The following RREB1 variants were observed in gnomAD, a reference collection of about 807,000 sequenced individuals.
RREB1 encodes ras-responsive element-binding protein 1.
RREB1 carries 27 observed loss-of-function variants against 117.8 expected under a neutral mutation model. The observed-to-expected ratio is 0.23, with a 90% confidence interval of 0.17 to 0.32. RREB1 has a LOEUF of 0.32. RREB1 is among the 10% of genes least tolerant of loss of function. The pLI, the probability that RREB1 is intolerant of heterozygous loss-of-function variation, is 1.00. For missense variants in RREB1, 2,577 were observed against 2,378.2 expected (o/e 1.08, Z -1.74); for synonymous variants, 1,298 against 1,026.7 (o/e 1.26, Z -5.05).
At chr6:7,204,578 T>C (rs1766167068) in intron 6 of RREB1, among the ~76,000 whole-genome samples, 1 of 152,202 alleles carries the variant, frequency 6.6e-6, no homozygotes, top group Non-Finnish European at 1.5e-5. Flanking sequence ...GATGTCTCTA[T>C]AACCAGGCTG....
intron 8 of RREB1, among the ~76,000 whole-genome samples, chr6:7,221,584 A>G (rs144082804): frequency 2.4e-3 from 366 of 152,346 alleles, no homozygotes; most frequent in African/African-American, 8.2e-3. Context: ...CTTTTGACTT[A>G]TAGGAGTGCC....
intron 8 of RREB1, chr6:7,216,737 T>C (rs752031738): frequency 6.6e-6 from 1 of 151,996 alleles, no homozygotes; most frequent in Non-Finnish European, 1.5e-5. Context: ...TGTTGAAGAG[T>C]CTGTGAGTCT....
chr6:7,113,351 C>T (rs572697982), intron 1 of RREB1, among the ~76,000 whole-genome samples: 1 of 152,196 alleles, frequency 6.6e-6, no homozygotes, highest in South Asian at 2.1e-4. Context: ...TCTCTTTCCC[C>T]CTTTTCAGAG....
chr6:7,196,023 T>C (rs144356519), intron 6 of RREB1, among the ~76,000 whole-genome samples: 3 of 152,266 alleles, frequency 2.0e-5, no homozygotes, highest in African/African-American at 7.2e-5. Context: ...AACAGCACAG[T>C]TGACAACTAC....
Position 7,132,094 on chromosome 6 carries a change from G to A in RREB1, c.-285+24034G>A, listed in dbSNP as rs188649899. On this transcript the variant is annotated intron_variant, in intron 1 of 12. Coordinates refer to ENST00000379938, the MANE Select transcript of RREB1 (RefSeq NM_001003699.4). ...TTTGAGACAGAGTTTTGCTCTTGTT[G>A]CCCAGGCTGGAGTACAATGGTGCAA... Among the ~76,000 whole-genome samples, 6 of 152,044 alleles carry A rather than the reference G, an allele frequency of 3.9e-5. No individual in the cohort carries two copies. In the East Asian group the frequency reaches 1.2e-3, roughly 29 times the overall value.
chr6:7,137,701 A>G (rs1158965531), intron 1 of RREB1, among the ~76,000 whole-genome samples: 2 of 151,610 alleles, frequency 1.3e-5, no homozygotes, highest in African/African-American at 4.8e-5. Context: ...GGAAGCCTCC[A>G]GCACGTGAGA....
intron 10 of RREB1, among the ~76,000 whole-genome samples, chr6:7,237,015 T>G (rs1768376544): frequency 6.6e-6 from 1 of 150,456 alleles, no homozygotes; most frequent in Non-Finnish European, 1.5e-5. Context: ...AACTCCTGGC[T>G]GAGTTCAAGT....
In RREB1 at chr6:7,130,099, G is replaced by T. The variant is rs149884595; in HGVS notation, c.-285+22039G>T. On this transcript the variant is annotated intron_variant, in intron 1 of 12. Transcript: ENST00000379938. ...TCAATTTTGGAGTCTTGCTGTCTTT[G>T]CCTGTTGCTGTTCTCTGCCTCAGCC... 1.6e-4 allele frequency among the ~76,000 whole-genome samples: 24 copies of T among 152,240 alleles called. No homozygotes were observed. The East Asian group carries it at 4.6e-3, about 29-fold the overall frequency.
At chr6:7,170,015 C>T (rs1764135410) in intron 1 of RREB1, among the ~76,000 whole-genome samples, 1 of 152,204 alleles carries the variant, frequency 6.6e-6, no homozygotes, top group Admixed American at 6.5e-5. Context: ...CTGCTTCCTG[C>T]ATGGAACCTA....
At chr6:7,241,013 C>T (rs912346103) in intron 11 of RREB1, among the ~76,000 whole-genome samples, 4 of 152,128 alleles carry the variant, frequency 2.6e-5, no homozygotes, top group Non-Finnish European at 5.9e-5. Context: ...GCAGCCTCCT[C>T]GGGAGCAGGC....
rs201338996 is a variant in RREB1, at chr6:7,231,363, C to T, written c.3264C>T (p.Asp1088=). The T allele has an allele frequency of 1.1e-5, 18 of 1,613,212 alleles. No individual in the cohort carries two copies. The highest frequency in any genetic ancestry group is 1.4e-5 in the Non-Finnish European group (16 of 1,179,690). Residue 1088 remains aspartate (D), a synonymous_variant, in exon 10 of 13, where the codon GAC becomes GAT. Coordinates refer to ENST00000379938, the MANE Select transcript of RREB1 (RefSeq NM_001003699.4). ...CCCTGCTGAAAACCAAGGTGGCGGA[C>T]CCAGGGCCCGCAAGCACTGGCAGTA... ...APTLLKTKVA[D]PGPASTGSNT...
chr6:7,229,235 C>G lies in RREB1; in HGVS notation c.1136C>G (p.Pro379Arg). The change falls in exon 10 of 13, where the codon CCC becomes CGC. Residue 379 changes from proline (P) to arginine (R), a missense_variant. Physicochemically the swap from Pro to Arg is moderately radical, Grantham distance 103. Coordinates refer to ENST00000379938, the MANE Select transcript of RREB1 (RefSeq NM_001003699.4). The surrounding 1 kb of genome is among the most constrained non-coding windows in gnomAD (Gnocchi z 4.5). ...CACACCAAAGACGTCAGGCCTGCCC[C>G]CGCCGAGGAGCCCCTGCCGGATGAC... ...LQHTKDVRPA[P>R]AEEPLPDDNQ... The G allele has an allele frequency of 6.2e-7, 1 of 1,614,056 alleles. No individual in the cohort carries two copies. The highest frequency in any genetic ancestry group is 8.5e-7 in the Non-Finnish European group (1 of 1,179,992).
chr6:7,203,299 C>T (rs1331139108), intron 6 of RREB1, among the ~76,000 whole-genome samples: 2 of 152,174 alleles, frequency 1.3e-5, no homozygotes, highest in Non-Finnish European at 2.9e-5. Flanking sequence ...TGAGGCTGCA[C>T]TGAGCTAGGA....
At chr6:7,180,680 C>A (rs892482841) in intron 2 of RREB1, among the ~76,000 whole-genome samples, 3 of 152,174 alleles carry the variant, frequency 2.0e-5, no homozygotes, top group Admixed American at 1.3e-4. Context: ...TTTCATGTCG[C>A]CAGGTTTCTT....
chr6:7,241,071 GTTC>G (rs1396144383), intron 11 of RREB1, among the ~76,000 whole-genome samples: 3 of 152,102 alleles, frequency 2.0e-5, no homozygotes, highest in Non-Finnish European at 2.9e-5. Flanking sequence ...GGGGTGCGGT[GTTC>G]TTCTTTTCAA....
intron 1 of RREB1, among the ~76,000 whole-genome samples, chr6:7,154,048 C>A (rs986219695): frequency 6.6e-6 from 1 of 152,186 alleles, no homozygotes; most frequent in Non-Finnish European, 1.5e-5. Context: ...ACCTGCCTGA[C>A]CACAAAGGTA....
chr6:7,174,001 C>A (rs1408684419), intron 1 of RREB1, among the ~76,000 whole-genome samples: 1 of 152,146 alleles, frequency 6.6e-6, no homozygotes, highest in Non-Finnish European at 1.5e-5. Flanking sequence ...GGACTTCCGC[C>A]CTCTCTTAGT....
intron 8 of RREB1, among the ~76,000 whole-genome samples, chr6:7,224,445 T>A (rs760714647): frequency 2.6e-5 from 4 of 152,058 alleles, no homozygotes; most frequent in Admixed American, 1.3e-4. Context: ...ATATAGATCT[T>A]TCAGCCAAGT....
At chr6:7,201,868 C>T (rs1766004765) in intron 6 of RREB1, among the ~76,000 whole-genome samples, 1 of 152,148 alleles carries the variant, frequency 6.6e-6, no homozygotes, top group East Asian at 1.9e-4. Flanking sequence ...CTGGGGCCCT[C>T]CTCTCCAGTT....
Sources: allele counts gnomAD v4.1 joint callset (sites outside exome capture counted in the v4.1 genomes callset), GRCh38; gene constraint gnomAD v4.1.1; non-coding constraint Gnocchi (gnomAD v3.1); transcripts MANE v1.5; gene names NCBI Gene and HGNC (gene_info 2026-07-23, HGNC 2026-07-21).